AQP9: variants seen among roughly 807,000 people sequenced by gnomAD.
The protein encoded by AQP9 is aquaporin 9.
AQP9 carries 19 observed loss-of-function variants against 23.8 expected under a neutral mutation model. The observed-to-expected ratio is 0.80, with a 90% CI of 0.56 to 1.17. The LOEUF is 1.17. Among genes scored for constraint, AQP9 ranks in the 50% most tolerant of loss-of-function variants. The pLI is 0.00. For synonymous variants in AQP9, 153 were observed against 131.5 expected, an observed-to-expected ratio of 1.16 and a Z score of -1.12; for missense variants, 413 against 362.0, an observed-to-expected ratio of 1.14 and a Z score of -1.14.
chr15:58,148,390 T>C (rs557354072), intron 1 of AQP9, among the ~76,000 whole-genome samples: 105 of 152,292 alleles, frequency 6.9e-4, no homozygotes, highest in African/African-American at 2.5e-3. Context: ...ACAAACCCCT[T>C]TTTTGAGGAG....
intron 4 of AQP9, among the ~76,000 whole-genome samples, chr15:58,178,155 C>G (rs1413036573): frequency 1.3e-5 from 2 of 152,106 alleles, no homozygotes; most frequent in African/African-American, 4.8e-5. Flanking sequence ...ACTTGAACAT[C>G]CATGGATTTT....
At chr15:58,181,145 G>A (rs1171755197) in intron 5 of AQP9, among the ~76,000 whole-genome samples, 1 of 152,150 alleles carries the variant, frequency 6.6e-6, no homozygotes, top group Non-Finnish European at 1.5e-5. Flanking sequence ...CCTTTGCTCT[G>A]TTAAGTATAT....
intron 1 of AQP9, chr15:58,151,795 C>G (rs1898155446): frequency 6.6e-6 from 1 of 152,064 alleles, no homozygotes; most frequent in Non-Finnish European, 1.5e-5. Flanking sequence ...TCCCCAAAGC[C>G]CACGTGGAAG....
intron 1 of AQP9, chr15:58,155,575 T>A (rs1378822725): frequency 6.6e-6 from 1 of 152,180 alleles, no homozygotes; most frequent in Non-Finnish European, 1.5e-5. Context: ...AAACAGGATC[T>A]AATAACCCTT....
chr15:58,161,547 C>T (rs1038566358), intron 1 of AQP9, among the ~76,000 whole-genome samples: 1 of 152,128 alleles, frequency 6.6e-6, no homozygotes, highest in African/African-American at 2.4e-5. Flanking sequence ...CCCTCTCTCA[C>T]CAAAATTAAA....
chr15:58,183,862 C>A (rs1898947390), intron 5 of AQP9, 99 bp from the exon 6 acceptor site: 7 of 1,366,756 alleles, frequency 5.1e-6, no homozygotes, highest in Non-Finnish European at 6.1e-6. Context: ...TAAGAGGGAA[C>A]CATGAGTGTG....
intron 5 of AQP9, among the ~76,000 whole-genome samples, chr15:58,180,724 G>T (rs928875094): frequency 6.6e-6 from 1 of 152,266 alleles, no homozygotes; most frequent in African/African-American, 2.4e-5. Context: ...TGGACCTGAG[G>T]GAAGGGGCTG....
intron 1 of AQP9, among the ~76,000 whole-genome samples, chr15:58,144,466 T>C (rs532008117): frequency 2.6e-5 from 4 of 152,232 alleles, no homozygotes; most frequent in Non-Finnish European, 5.9e-5. Flanking sequence ...TTCAGTGCCA[T>C]TGATCTGTTT....
rs541580126 is a variant in AQP9, at chr15:58,163,674, G to A, written c.112-2999G>A. 2.8e-4 allele frequency among the ~76,000 whole-genome samples: 42 copies of A among 152,240 alleles called. No individual in the cohort carries two copies. In the South Asian group the frequency reaches 8.3e-3, roughly 30 times the overall value. On this transcript the variant is annotated intron_variant, in intron 1 of 5. Coordinates refer to ENST00000219919, the MANE Select transcript of AQP9 (RefSeq NM_020980.5). Reference sequence around the variant, plus strand: ...CAAGATAGGGTGGATATGATAACGGGCTGTTTTTGAGTCTAAGAAGGGAAA... The same window carrying A: ...CAAGATAGGGTGGATATGATAACGGACTGTTTTTGAGTCTAAGAAGGGAAA...
intron 1 of AQP9, among the ~76,000 whole-genome samples, chr15:58,158,998 C>G (rs1898318723): frequency 6.6e-6 from 1 of 152,278 alleles, no homozygotes; most frequent in South Asian, 2.1e-4. Context: ...ACATATTCTG[C>G]TAGGACTATC....
intron 1 of AQP9, among the ~76,000 whole-genome samples, chr15:58,142,036 C>T (rs1355198503): frequency 2.0e-5 from 3 of 152,128 alleles, no homozygotes; most frequent in Non-Finnish European, 4.4e-5. Context: ...TATCACTGGC[C>T]CTTTTTATTG....
At chr15:58,157,989 A>C (rs1210782798) in intron 1 of AQP9, among the ~76,000 whole-genome samples, 3 of 152,266 alleles carry the variant, frequency 2.0e-5, no homozygotes, top group South Asian at 4.1e-4. Flanking sequence ...TGTTACCAGA[A>C]AAGCACTTGT....
chr15:58,165,445 C>T (rs1262340300), intron 1 of AQP9, among the ~76,000 whole-genome samples: 3 of 152,248 alleles, frequency 2.0e-5, no homozygotes, highest in Middle Eastern at 3.4e-3. Flanking sequence ...ATCTCTGTCC[C>T]AGTCATGTGC....
intron 1 of AQP9, among the ~76,000 whole-genome samples, chr15:58,160,003 A>C (rs1171687445): frequency 1.3e-5 from 2 of 152,060 alleles, no homozygotes; most frequent in Admixed American, 6.6e-5. Context: ...TATTGATTTT[A>C]TTTCTTTTGG....
intron 1 of AQP9, among the ~76,000 whole-genome samples, chr15:58,147,809 A>T (rs1407539668): frequency 6.6e-6 from 1 of 152,192 alleles, no homozygotes; most frequent in Non-Finnish European, 1.5e-5. Context: ...ACATGCTAAT[A>T]CAAAAATACT....
intron 1 of AQP9, among the ~76,000 whole-genome samples, chr15:58,159,826 A>G (rs1187306391): frequency 6.6e-6 from 1 of 152,174 alleles, no homozygotes; most frequent in Non-Finnish European, 1.5e-5. Flanking sequence ...ATTGCTACAA[A>G]TGACAGGATT....
At position 58,179,165 on chromosome 15, in the gene AQP9, C is replaced by T. The variant is rs199688809; in HGVS notation, c.533C>T (p.Ala178Val). 3.7e-6 allele frequency: 6 copies of T among 1,613,702 alleles called. No individual in the cohort carries two copies. Among genetic ancestry groups the T allele is most frequent in the Non-Finnish European group, 5.1e-6 (6 of 1,179,718 alleles). ...ATGATACTCCTCATAATCGTCTTTG[C>T]CATCTTTGACTCCAGAAACTTGGGA... is the stretch of plus-strand genomic sequence containing the variant. ...ATMILLIIVFAIFDSRNLGAP... is the reference protein window; with the variant it reads ...ATMILLIIVFVIFDSRNLGAP... The change falls in exon 5 of 6, where the codon GCC becomes GTC. Residue 178 changes from alanine to valine, a missense_variant. By Grantham distance (64) the Ala-to-Val change is moderately conservative. Transcript: ENST00000219919.
chr15:58,168,582 A>G (rs1380255476), intron 2 of AQP9, among the ~76,000 whole-genome samples: 2 of 152,028 alleles, frequency 1.3e-5, no homozygotes, highest in African/African-American at 2.4e-5. Context: ...GTCCAGGTTA[A>G]GACAGAGTCC....
intron 1 of AQP9, among the ~76,000 whole-genome samples, chr15:58,145,713 C>T (rs1460527500): frequency 6.6e-6 from 1 of 152,112 alleles, no homozygotes; most frequent in African/African-American, 2.4e-5. Flanking sequence ...GCATTCCTAT[C>T]ATTTACTGGT....
Sources: gnomAD v4.1 joint callset for allele counts (sites outside exome capture counted in the v4.1 genomes callset) on GRCh38, gnomAD v4.1.1 for gene constraint, MANE v1.5 for transcripts, NCBI Gene and HGNC (gene_info 2026-07-23, HGNC 2026-07-21) for gene names.